ANKS1A: variants seen among roughly 807,000 people sequenced by gnomAD.
The protein encoded by ANKS1A is ankyrin repeat and sterile alpha motif domain containing 1A.
Under a neutral mutation model 120.3 loss-of-function variants are expected in ANKS1A, and 55 were observed. The ratio of observed to expected loss-of-function variants is 0.46; its 90% confidence interval spans 0.37 to 0.57. The LOEUF (loss-of-function observed/expected upper bound fraction) is 0.57. ANKS1A is among the 20% of genes least tolerant of loss of function. The pLI is 0.00. For missense variants in ANKS1A, 1,123 were observed against 1,480.3 expected (o/e 0.76, Z 3.96); for synonymous variants, 590 against 604.7 (o/e 0.98, Z 0.36).
At chr6:34,949,577 G>A (rs866643204) in intron 1 of ANKS1A, among the ~76,000 whole-genome samples, 17 of 152,194 alleles carry the variant, frequency 1.1e-4, no homozygotes, top group Non-Finnish European at 2.5e-4. Flanking sequence ...TTGGAAATAG[G>A]AAGGGACAAA....
Position 35,085,635 on chromosome 6 carries a change from A to T in ANKS1A, c.3133-131A>T. The T allele has an allele frequency of 1.2e-6, 1 of 803,916 alleles. No individual in the cohort carries two copies. The allele number at this position is 803,916 out of a possible 1,614,324, so 49.8% of individuals were successfully genotyped here. A position where few individuals can be genotyped will look rare whatever the true frequency, so the allele number is the denominator to read the frequency against. The stretch of plus-strand genomic sequence containing the variant: ...GAAGAGTAAAGGAGGGAAAGGAGGG[A>T]AGAGTGGAAGGAGGTAGGAGCGCTC... On this transcript the variant is annotated intron_variant, in intron 21 of 23. Coordinates refer to ENST00000360359, the MANE Select transcript of ANKS1A (RefSeq NM_015245.3). The surrounding 1 kb of genome is among the most constrained non-coding windows in gnomAD (Gnocchi z 4.7).
chr6:34,959,241 A>G (rs1409529351), intron 1 of ANKS1A, among the ~76,000 whole-genome samples: 1 of 152,194 alleles, frequency 6.6e-6, no homozygotes, highest in East Asian at 1.9e-4. Flanking sequence ...GTGTTCTTGT[A>G]TGTCCCATCA....
At chr6:34,954,057 T>C (rs890737295) in intron 1 of ANKS1A, among the ~76,000 whole-genome samples, 7 of 152,230 alleles carry the variant, frequency 4.6e-5, no homozygotes, top group African/African-American at 1.7e-4. Context: ...AAATATAATG[T>C]ATATGTTAAT....
chr6:35,091,527 G>A (rs1385875583), downstream of ANKS1A: 1 of 666,942 alleles, frequency 1.5e-6, no homozygotes, highest in African/African-American at 2.1e-5. Context: ...GTTTGGCTGA[G>A]ATGACGACAG....
intron 11 of ANKS1A, among the ~76,000 whole-genome samples, chr6:35,036,907 G>A (rs902537714): frequency 6.6e-6 from 1 of 152,200 alleles, no homozygotes; most frequent in Non-Finnish European, 1.5e-5. Context: ...GCTGGGCCCC[G>A]GTAATGTTTC....
intron 13 of ANKS1A, among the ~76,000 whole-genome samples, chr6:35,068,223 G>A (rs1776880157): frequency 6.6e-6 from 1 of 152,188 alleles, no homozygotes; most frequent in African/African-American, 2.4e-5. Context: ...TAATAAACTT[G>A]TATTATTCAA....
In ANKS1A at chr6:35,084,339, C is replaced by A; in HGVS notation, c.3132+81C>A. The A allele has an allele frequency of 1.9e-6, 3 of 1,550,886 alleles. No individual in the cohort carries two copies. The highest frequency in any genetic ancestry group is 2.6e-6 in the Non-Finnish European group (3 of 1,149,560). On this transcript the variant is annotated intron_variant, in intron 21 of 23. Transcript: ENST00000360359. The surrounding 1 kb of genome is among the most constrained non-coding windows in gnomAD (Gnocchi z 4.8). ...CCAGCCCCATTGCAGGGCACAGATG[C>A]GGCGCTGTCCTGGCCCCTGGCCAGT...
chr6:34,889,308 T>G lies in ANKS1A; in HGVS notation c.-95T>G, dbSNP rs899157938. The G allele has an allele frequency of 1.5e-5, 18 of 1,219,826 alleles. No homozygotes were observed. Among genetic ancestry groups the G allele is most frequent in the Non-Finnish European group, 1.7e-5 (17 of 980,538 alleles). 75.6% of individuals were successfully genotyped at this position (1,219,826 alleles called of 1,614,324 possible). A position where few individuals can be genotyped will look rare whatever the true frequency, so the allele number is the denominator to read the frequency against. On this transcript the variant is annotated 5_prime_UTR_variant, in exon 1 of 24. Coordinates refer to ENST00000360359, the MANE Select transcript of ANKS1A (RefSeq NM_015245.3). The surrounding 1 kb of genome is among the most constrained non-coding windows in gnomAD (Gnocchi z 5.5). ...GAGGGGGTGGTGTCCCCAGCCGGTT[T>G]GGGGGGTGCGTTGCCCGGAGACGGA...
intron 11 of ANKS1A, among the ~76,000 whole-genome samples, chr6:35,039,095 G>GT (rs1775326549): frequency 6.7e-6 from 1 of 150,368 alleles, no homozygotes; most frequent in African/African-American, 2.5e-5. Flanking sequence ...TGTGTGTGGG[G>GT]GGGGGTTATA....
chr6:35,060,316 C>T lies in ANKS1A; in HGVS notation c.2184+63C>T. On this transcript the variant is annotated intron_variant, in intron 13 of 23. Transcript: ENST00000360359. This position sits in a 1 kb window ranked among gnomAD's most constrained non-coding sequence, Gnocchi z 4.5. ...CTCAGTGGAAACAGGCCTCCCTGGC[C>T]TCCCCTCTGGCCCCACAGGAGTCTG... 7.0e-7 allele frequency: 1 copy of T among 1,431,908 alleles called. No homozygotes were observed. Among genetic ancestry groups the T allele is most frequent in the Non-Finnish European group, 9.7e-7 (1 of 1,034,156 alleles). 88.7% of individuals were successfully genotyped at this position (1,431,908 alleles called of 1,614,324 possible). A position where few individuals can be genotyped will look rare whatever the true frequency, so the allele number is the denominator to read the frequency against.
At chr6:34,908,057 T>C (rs1767726576) in intron 1 of ANKS1A, among the ~76,000 whole-genome samples, 1 of 152,160 alleles carries the variant, frequency 6.6e-6, no homozygotes, top group Non-Finnish European at 1.5e-5. Context: ...GGCTGGAATG[T>C]AGTAATGACG....
chr6:34,934,894 T>A (rs1233637926), intron 1 of ANKS1A, among the ~76,000 whole-genome samples: 1 of 152,242 alleles, frequency 6.6e-6, no homozygotes. Context: ...TGTGGGTCAC[T>A]TTTTCTAGTT....
Position 35,057,664 on chromosome 6 carries a change from G to T in ANKS1A, c.2078-2483G>T, listed in dbSNP as rs1241637595. On this transcript the variant is annotated intron_variant, in intron 12 of 23. Coordinates refer to ENST00000360359, the MANE Select transcript of ANKS1A (RefSeq NM_015245.3). This position sits in a 1 kb window ranked among gnomAD's most constrained non-coding sequence, Gnocchi z 4.1. Reference sequence around the variant, plus strand: ...GCTGTCCTCCCCCAGAGTGTGAGTGGCCTGCTCTGGGGTGGGGCACTTCCC... The same window carrying T: ...GCTGTCCTCCCCCAGAGTGTGAGTGTCCTGCTCTGGGGTGGGGCACTTCCC... Among the ~76,000 whole-genome samples the T allele has an allele frequency of 6.6e-6, 1 of 152,178 alleles. No individual in the cohort carries two copies. Among genetic ancestry groups the T allele is most frequent in the African/African-American group, 2.4e-5 (1 of 41,430 alleles).
chr6:35,048,237 G>T (rs1318298396), intron 11 of ANKS1A, among the ~76,000 whole-genome samples: 2 of 152,192 alleles, frequency 1.3e-5, no homozygotes, highest in Admixed American at 6.5e-5. Flanking sequence ...GTAGGAAAAG[G>T]GGAGTTGAAA....
At chr6:34,984,448 A>G (rs1772075739) in intron 7 of ANKS1A, among the ~76,000 whole-genome samples, 1 of 152,178 alleles carries the variant, frequency 6.6e-6, no homozygotes, top group East Asian at 1.9e-4. Flanking sequence ...TTCCTCCCAC[A>G]TGCACTTTTT....
intron 13 of ANKS1A, among the ~76,000 whole-genome samples, chr6:35,066,466 T>C (rs905194958): frequency 6.6e-6 from 1 of 151,398 alleles, no homozygotes; most frequent in African/African-American, 2.4e-5. Context: ...TGTTTCAGGA[T>C]GGCAGGCAGG....
At chr6:35,076,907 G>C (rs551269073) in intron 13 of ANKS1A, among the ~76,000 whole-genome samples, 25 of 152,282 alleles carry the variant, frequency 1.6e-4, no homozygotes, top group African/African-American at 5.5e-4. Context: ...TGGGATTACA[G>C]GGGTGAGCCA....
intron 3 of ANKS1A, among the ~76,000 whole-genome samples, chr6:34,975,447 C>CAA (rs11409155): frequency 1.3e-3 from 187 of 140,682 alleles, no homozygotes; most frequent in Non-Finnish European, 1.4e-3. Flanking sequence ...GAGTGAGACT[C>CAA]AAAAAAAAAA....
chr6:35,025,251 TACACACAC>T (rs3840543), intron 11 of ANKS1A, among the ~76,000 whole-genome samples: 43 of 148,578 alleles, frequency 2.9e-4, no homozygotes, highest in African/African-American at 9.9e-4. Flanking sequence ...TATATGTGTA[TACACACAC>T]ACACACACAC....
Sources: gnomAD v4.1 joint callset for allele counts (sites outside exome capture counted in the v4.1 genomes callset) on GRCh38, gnomAD v4.1.1 for gene constraint, Gnocchi (gnomAD v3.1) non-coding constraint, MANE v1.5 for transcripts, NCBI Gene and HGNC (gene_info 2026-07-23, HGNC 2026-07-21) for gene names.